KCNK10: variants seen among roughly 807,000 people sequenced by gnomAD.
KCNK10 encodes potassium channel subfamily K member 10.
Under a neutral mutation model 47.7 loss-of-function variants are expected in KCNK10, and 25 were observed. That is an observed-to-expected ratio of 0.52 (90% CI 0.38 to 0.73). KCNK10 has a LOEUF of 0.73. KCNK10 is among the 30% of genes least tolerant of loss of function. The probability of loss-of-function intolerance (pLI) is 0.00; values close to 1 mark genes in which losing one functional copy is unlikely to be tolerated. For missense variants in KCNK10, 563 were observed against 714.5 expected, an observed-to-expected ratio of 0.79 and a Z score of 2.42; for synonymous variants, 303 against 285.6, an observed-to-expected ratio of 1.06 and a Z score of -0.61.
intron 1 of KCNK10, among the ~76,000 whole-genome samples, chr14:88,296,806 C>G (rs751906500): frequency 7.2e-5 from 11 of 152,194 alleles, no homozygotes; most frequent in Non-Finnish European, 1.0e-4. Flanking sequence ...AGAGGCTTAA[C>G]ATTAGTAGTG....
At chr14:88,197,830 GAAGA>G in intron 4 of KCNK10, among the ~76,000 whole-genome samples, 1 of 144,928 alleles carries the variant, frequency 6.9e-6, no homozygotes, top group East Asian at 2.1e-4. Context: ...GGGAAGGAAG[GAAGA>G]AACAGAAGGA....
intron 3 of KCNK10, among the ~76,000 whole-genome samples, chr14:88,231,929 T>A (rs928231750): frequency 6.6e-6 from 1 of 152,254 alleles, no homozygotes; most frequent in African/African-American, 2.4e-5. Flanking sequence ...GATTCTATTA[T>A]TCACAAAGTG....
intron 2 of KCNK10, among the ~76,000 whole-genome samples, chr14:88,255,974 T>C (rs929559821): frequency 2.0e-5 from 3 of 152,138 alleles, no homozygotes; most frequent in African/African-American, 7.2e-5. Context: ...AATCAGTAAG[T>C]GGTAGCTATA....
At chr14:88,197,856 AAGGG>A (rs1240702241) in intron 4 of KCNK10, among the ~76,000 whole-genome samples, 1 of 103,894 alleles carries the variant, frequency 9.6e-6, no homozygotes, top group Non-Finnish European at 1.9e-5. Flanking sequence ...GGAAGGAGGG[AAGGG>A]AGAGAGAGAG....
intron 1 of KCNK10, among the ~76,000 whole-genome samples, chr14:88,312,736 G>A (rs1888353852): frequency 1.3e-5 from 2 of 152,092 alleles, no homozygotes; most frequent in South Asian, 4.1e-4. Context: ...TTAAATTAAT[G>A]TTTACAGATT....
At chr14:88,325,308 A>G (rs921869927), upstream of KCNK10, among the ~76,000 whole-genome samples, 1 of 152,182 alleles carries the variant, frequency 6.6e-6, no homozygotes, top group African/African-American at 2.4e-5. Flanking sequence ...CATGCATCAG[A>G]GTCAGAGAGG....
At chr14:88,252,174 C>G (rs1052506557) in intron 2 of KCNK10, among the ~76,000 whole-genome samples, 3 of 152,028 alleles carry the variant, frequency 2.0e-5, no homozygotes, top group Admixed American at 2.0e-4. Flanking sequence ...CTCAGCCTCC[C>G]AAAGTGCTGA....
intron 3 of KCNK10, among the ~76,000 whole-genome samples, chr14:88,238,449 T>C (rs1012799988): frequency 6.6e-6 from 1 of 152,170 alleles, no homozygotes; most frequent in African/African-American, 2.4e-5. Context: ...GGTGGGTGGA[T>C]CACTTGGGCC....
Position 88,322,988 on chromosome 14 carries a change from G to C in KCNK10, c.-190C>G. 1.4e-6 allele frequency: 2 copies of C among 1,419,738 alleles called. No homozygotes were observed. Among genetic ancestry groups the C allele is most frequent in the Non-Finnish European group, 1.8e-6 (2 of 1,089,772 alleles). The allele number at this position is 1,419,738 out of a possible 1,614,324, so 87.9% of individuals were successfully genotyped here. A position where few individuals can be genotyped will look rare whatever the true frequency, so the allele number is the denominator to read the frequency against. On this transcript the variant is annotated 5_prime_UTR_variant, in exon 1 of 7. Coordinates refer to ENST00000319231, the MANE Select transcript of KCNK10 (RefSeq NM_138317.3). The surrounding 1 kb of genome is among the most constrained non-coding windows in gnomAD (Gnocchi z 4.8). Reference sequence around the variant, plus strand: ...ATTAGCTTGGGGGAGAACTGGAGAGGGCTTGGGTGTTTGCACCGGCCAGGG... The same window carrying C: ...ATTAGCTTGGGGGAGAACTGGAGAGCGCTTGGGTGTTTGCACCGGCCAGGG...
chr14:88,263,562 A>G lies in KCNK10; in HGVS notation c.53-11T>C. The G allele has an allele frequency of 6.2e-7, 1 of 1,602,928 alleles. No individual in the cohort carries two copies. Among genetic ancestry groups the G allele is most frequent in the Middle Eastern group, 1.9e-4 (1 of 5,322 alleles). ...CTGCGGGAACGGCCACTGAGGAGTC[A>G]GGGTGGGGGACAAAGAAGAAGAGAG... On this transcript the variant is annotated splice_polypyrimidine_tract_variant and intron_variant, in intron 1 of 6. Transcript: ENST00000319231.
At chr14:88,239,715 T>G (rs1162053817) in intron 3 of KCNK10, among the ~76,000 whole-genome samples, 1 of 151,562 alleles carries the variant, frequency 6.6e-6, no homozygotes, top group African/African-American at 2.4e-5. Flanking sequence ...AAAAATTAGC[T>G]AGGCATGGTG....
rs878911675 is a variant in KCNK10 at position 88,182,036 on chromosome 14, G to GCGCA, written c.*3498_*3499insTGCG. The GCGCA allele has an allele frequency of 0.027, 3,733 of 137,112 alleles. 107 individuals are homozygous for GCGCA. The highest frequency in any genetic ancestry group is 0.034 in the South Asian group (131 of 3,840). The allele number at this position is 137,112 out of a possible 1,614,324, so 8.5% of individuals were successfully genotyped here. ...AGATGGCCCAACACCACCCCAACCC[G>GCGCA]CACACACACACACACACACACACAC... On this transcript the variant is annotated 3_prime_UTR_variant, in exon 7 of 7. Transcript: ENST00000319231.
At chr14:88,228,208 C>A (rs1171370553) in intron 3 of KCNK10, among the ~76,000 whole-genome samples, 2 of 152,160 alleles carry the variant, frequency 1.3e-5, no homozygotes, top group Non-Finnish European at 2.9e-5. Context: ...CTACCTCTTG[C>A]ATTGAGGGTA....
intron 2 of KCNK10, among the ~76,000 whole-genome samples, chr14:88,259,145 T>G (rs1887040561): frequency 6.6e-6 from 1 of 152,222 alleles, no homozygotes; most frequent in Non-Finnish European, 1.5e-5. Context: ...TTTCTTGTGA[T>G]CGCTACATAC....
chr14:88,262,612 G>T (rs1887142001), intron 2 of KCNK10, among the ~76,000 whole-genome samples: 1 of 152,060 alleles, frequency 6.6e-6, no homozygotes, highest in Admixed American at 6.6e-5. Context: ...AATATCCAGG[G>T]TATGTAAAGG....
chr14:88,264,228 C>T (rs532590102), intron 1 of KCNK10, among the ~76,000 whole-genome samples: 19 of 152,308 alleles, frequency 1.2e-4, no homozygotes, highest in African/African-American at 4.6e-4. Context: ...TCTAAGGTCC[C>T]TGTTCTCTGT....
chr14:88,225,757 T>C (rs1368422028), intron 4 of KCNK10, among the ~76,000 whole-genome samples: 1 of 152,228 alleles, frequency 6.6e-6, no homozygotes, highest in Non-Finnish European at 1.5e-5. Flanking sequence ...CCAGATTCTT[T>C]TTTCTCTAAG....
At chr14:88,191,192 A>G (rs1403702564) in intron 5 of KCNK10, among the ~76,000 whole-genome samples, 1 of 152,074 alleles carries the variant, frequency 6.6e-6, no homozygotes, top group African/African-American at 2.4e-5. Flanking sequence ...CCGAGGCTGC[A>G]GTGAGCCATG....
intron 4 of KCNK10, among the ~76,000 whole-genome samples, chr14:88,204,863 G>A (rs900930470): frequency 1.3e-5 from 2 of 152,144 alleles, no homozygotes; most frequent in Non-Finnish European, 2.9e-5. Context: ...TAGTGCACTG[G>A]TTACAAGTGA....
Sources: gnomAD v4.1 joint callset for allele counts (sites outside exome capture counted in the v4.1 genomes callset) on GRCh38, gnomAD v4.1.1 for gene constraint, Gnocchi (gnomAD v3.1) non-coding constraint, MANE v1.5 for transcripts, NCBI Gene and HGNC (gene_info 2026-07-23, HGNC 2026-07-21) for gene names.